TBC1D14: variants seen among roughly 807,000 people sequenced by gnomAD.
The protein encoded by TBC1D14 is TBC1 domain family member 14, also known as TBC1 domain family, member 14.
Under a neutral mutation model 79.0 loss-of-function variants are expected in TBC1D14, and 26 were observed. The ratio of observed to expected loss-of-function variants is 0.33; its 90% CI spans 0.24 to 0.46. TBC1D14 has a LOEUF of 0.46. Ranked by LOEUF, TBC1D14 falls within the 20% of genes least tolerant of loss-of-function variation. TBC1D14 has a pLI of 1.00. For missense variants in TBC1D14, 769 were observed against 887.6 expected (o/e 0.87, Z 1.70); for synonymous variants, 394 against 349.9 (o/e 1.13, Z -1.40).
At chr4:6,917,396 T>C (rs1434869606) in intron 1 of TBC1D14, among the ~76,000 whole-genome samples, 1 of 152,138 alleles carries the variant, frequency 6.6e-6, no homozygotes, top group African/African-American at 2.4e-5. Flanking sequence ...AGGTGGGGTG[T>C]AGCCAAAAGG....
intron 1 of TBC1D14, among the ~76,000 whole-genome samples, chr4:6,911,506 G>A (rs1234623864): frequency 6.6e-6 from 1 of 152,200 alleles, no homozygotes; most frequent in African/African-American, 2.4e-5. Flanking sequence ...AGTTTTCACC[G>A]TCTGCCCCCA....
chr4:6,909,765 G>GGCGAGGGGGCGGGGCGAA (rs1461190623), upstream of TBC1D14: 3 of 148,096 alleles, frequency 2.0e-5, no homozygotes, highest in Non-Finnish European at 4.5e-5. Context: ...CCAGGGGGCG[G>GGCGAGGGGGCGGGGCGAA]GCGAGGGGGC....
Position 6,994,184 on chromosome 4 carries a change from G to A in TBC1D14, c.844G>A (p.Glu282Lys), listed in dbSNP as rs757079838. 3.1e-6 allele frequency: 5 copies of A among 1,613,328 alleles called. No homozygotes were observed. Among genetic ancestry groups the A allele is most frequent in the Non-Finnish European group, 1.7e-6 (2 of 1,179,264 alleles). ...GTCATCCCTGGTTTCTTTGTCCTAGGAATATGAAGACAAGGCTGGAAGACC... is the reference window on the plus strand; with the variant it reads ...GTCATCCCTGGTTTCTTTGTCCTAGAAATATGAAGACAAGGCTGGAAGACC... ...AQKDSKRIQK[E>K]YEDKAGRPSK... Residue 282 changes from glutamate (E) to lysine (K), a missense_variant and splice_region_variant, in exon 4 of 14, where the codon GAA (glutamate) becomes AAA (lysine). Around this residue, in one of 2 missense-constraint regions of TBC1D14, gnomAD observed 402 missense variants for 393.2 expected, o/e 1.02. Transcript: ENST00000409757.
chr4:7,004,100 G>A (rs1353708169), intron 7 of TBC1D14, among the ~76,000 whole-genome samples: 2 of 152,204 alleles, frequency 1.3e-5, no homozygotes, highest in Non-Finnish European at 1.5e-5. Flanking sequence ...TGTGGATTCA[G>A]CCTTCACACT....
In TBC1D14 at chr4:7,032,193, CCTGACAT is replaced by C. The variant is rs1222510392; in HGVS notation, c.*1803_*1809del. On this transcript the variant is annotated 3_prime_UTR_variant, in exon 14 of 14. Transcript: ENST00000409757. ...CGGTGGCCTCCAGACGTAGCCATTT[CCTGACAT>C]CAAGATGTTGAATGTAATCTGGTCT... 1.3e-5 allele frequency: 2 copies of C among 152,650 alleles called. No homozygotes were observed. The highest frequency in any genetic ancestry group is 4.8e-5 in the African/African-American group (2 of 41,434). The allele number at this position is 152,650 out of a possible 1,614,324, so 9.5% of individuals were successfully genotyped here.
rs537078771 is a variant in TBC1D14, at chr4:6,939,526, C to T, written c.722+15415C>T. ...CAGATGGTTGAATTCAGACGTCATC[C>T]CTTTTCTTAGAGATTATCTGCCCGA... On this transcript the variant is annotated intron_variant, in intron 2 of 13. Coordinates refer to ENST00000409757, the MANE Select transcript of TBC1D14 (RefSeq NM_020773.3). Among the ~76,000 whole-genome samples, 5 of 152,248 alleles carry T rather than the reference C, an allele frequency of 3.3e-5. No individual in the cohort carries two copies. In the South Asian group the frequency reaches 1.0e-3, roughly 32 times the overall value.
intron 3 of TBC1D14, among the ~76,000 whole-genome samples, chr4:6,978,301 G>A (rs1390054458): frequency 1.4e-4 from 21 of 150,586 alleles, no homozygotes; most frequent in African/African-American, 5.2e-4. Context: ...AATAGAAAGG[G>A]GGGAAAGGTG....
intron 9 of TBC1D14, among the ~76,000 whole-genome samples, chr4:7,009,357 A>G (rs1014862708): frequency 2.0e-5 from 3 of 152,226 alleles, no homozygotes; most frequent in Non-Finnish European, 4.4e-5. Context: ...GAGCTGGGAG[A>G]ATGTTTAAAC....
At chr4:6,998,212 T>A (rs781690535) in intron 5 of TBC1D14, among the ~76,000 whole-genome samples, 7 of 151,936 alleles carry the variant, frequency 4.6e-5, no homozygotes, top group Non-Finnish European at 8.8e-5. Context: ...ATACAAAAAT[T>A]AGCTGGGCCT....
At position 6,978,080 on chromosome 4, in the gene TBC1D14, C is replaced by T. The variant is rs540475517; in HGVS notation, c.843+10656C>T. On this transcript the variant is annotated intron_variant, in intron 3 of 13. Transcript: ENST00000409757. ...GTCTGGGAGGGAGGTGGGGGTCAGCCCCCCGCCTGGCCAGCCGCCCCATCC... is the reference window on the plus strand; with the variant it reads ...GTCTGGGAGGGAGGTGGGGGTCAGCTCCCCGCCTGGCCAGCCGCCCCATCC... Among the ~76,000 whole-genome samples, 259 of 150,352 alleles carry T rather than the reference C, an allele frequency of 1.7e-3. 2 individuals are homozygous for T. Among genetic ancestry groups the T allele is most frequent in the Non-Finnish European group, 2.4e-3 (165 of 67,476 alleles).
intron 2 of TBC1D14, among the ~76,000 whole-genome samples, chr4:6,948,336 G>T (rs1472634402): frequency 1.3e-5 from 2 of 152,154 alleles, no homozygotes; most frequent in Non-Finnish European, 2.9e-5. Flanking sequence ...TAGGTAAATG[G>T]ACTCATCCAT....
chr4:6,951,015 C>T (rs1209114648), intron 2 of TBC1D14, among the ~76,000 whole-genome samples: 1 of 152,180 alleles, frequency 6.6e-6, no homozygotes, highest in Non-Finnish European at 1.5e-5. Flanking sequence ...ACTGAGTGGG[C>T]GCAGTGGCTC....
chr4:7,025,185 G>A lies in TBC1D14; in HGVS notation c.1939G>A (p.Glu647Lys). 1.2e-6 allele frequency: 2 copies of A among 1,614,204 alleles called. No homozygotes were observed. Among genetic ancestry groups the A allele is most frequent in the Non-Finnish European group, 1.7e-6 (2 of 1,180,042 alleles). ...HMAQFLTRLP[E>K]DLPAEELFAS... ...GGCCCAGTTCCTGACCCGGCTGCCC[G>A]AGGACCTGCCCGCCGAGGAGCTGTT... The change falls in exon 13 of 14, where the codon GAG becomes AAG. Residue 647 changes from glutamate to lysine, a missense_variant. Glu to Lys is a moderately conservative substitution (Grantham distance 56). Around this residue, in one of 2 missense-constraint regions of TBC1D14, gnomAD observed 367 missense variants for 494.4 expected, o/e 0.74. Coordinates refer to ENST00000409757, the MANE Select transcript of TBC1D14 (RefSeq NM_020773.3).
chr4:7,028,699 A>T (rs1021466091), intron 13 of TBC1D14, among the ~76,000 whole-genome samples: 1 of 151,700 alleles, frequency 6.6e-6, no homozygotes, highest in Non-Finnish European at 1.5e-5. Flanking sequence ...TGCTGGGATT[A>T]TAGGCGTGAG....
chr4:7,002,644 G>T (rs1312255715), intron 7 of TBC1D14, among the ~76,000 whole-genome samples: 1 of 152,198 alleles, frequency 6.6e-6, no homozygotes. Context: ...AGGAAGCTGG[G>T]CCCTCACCTG....
At chr4:6,941,556 C>T (rs1712912742) in intron 2 of TBC1D14, among the ~76,000 whole-genome samples, 1 of 152,152 alleles carries the variant, frequency 6.6e-6, no homozygotes, top group African/African-American at 2.4e-5. Flanking sequence ...AAGGCAGACA[C>T]TTGCTGTGAA....
intron 2 of TBC1D14, among the ~76,000 whole-genome samples, chr4:6,938,375 AG>A (rs1712553499): frequency 6.6e-6 from 1 of 152,128 alleles, no homozygotes; most frequent in African/African-American, 2.4e-5. Flanking sequence ...CAGGATAGCA[AG>A]GGGGGAAGTC....
At chr4:6,967,165 G>A in intron 2 of TBC1D14, 139 bp from the exon 3 acceptor site, 5 of 1,160,956 alleles carry the variant, frequency 4.3e-6, no homozygotes, top group South Asian at 3.0e-5. Flanking sequence ...TTCTGTGTCT[G>A]TATGAAAATC....
chr4:6,967,241 T>A (rs1387817487), intron 2 of TBC1D14, 63 bp from the exon 3 acceptor site: 2 of 1,585,908 alleles, frequency 1.3e-6, no homozygotes, highest in Non-Finnish European at 1.7e-6. Context: ...AGAGTGGTTC[T>A]GCTGTTCTGG....
Sources: gnomAD v4.1 joint callset for allele counts (sites outside exome capture counted in the v4.1 genomes callset) on GRCh38, gnomAD v4.1.1 for gene constraint, gnomAD v4.1.1 regional missense constraint, MANE v1.5 for transcripts, NCBI Gene and HGNC (gene_info 2026-07-23, HGNC 2026-07-21) for gene names.